Variants in MICAL2 observed in about 807,000 individuals in gnomAD.
MICAL2 encodes the protein [F-actin]-monooxygenase MICAL2.
A neutral mutation model predicts 127.3 loss-of-function variants in MICAL2; 77 were observed. That is an observed-to-expected ratio of 0.60 (90% CI 0.50 to 0.73). MICAL2 has a LOEUF of 0.73. Among genes scored for constraint, MICAL2 ranks in the 30% least tolerant of loss-of-function variants. The probability of loss-of-function intolerance (pLI) is 0.00; values close to 1 mark genes in which losing one functional copy is unlikely to be tolerated. For missense variants in MICAL2, 1,351 were observed against 1,434.4 expected, an observed-to-expected ratio of 0.94 and a Z score of 0.94; for synonymous variants, 570 against 551.1, an observed-to-expected ratio of 1.03 and a Z score of -0.48.
At chr11:12,330,697 T>TC (rs1864405710) in intron 32 of MICAL2, among the ~76,000 whole-genome samples, 1 of 152,010 alleles carries the variant, frequency 6.6e-6, no homozygotes, top group Non-Finnish European at 1.5e-5. Context: ...GAAGGGTTTT[T>TC]CCCCATTTTG....
intron 33 of MICAL2, among the ~76,000 whole-genome samples, chr11:12,352,290 T>C (rs1939063384): frequency 6.6e-6 from 1 of 152,224 alleles, no homozygotes; most frequent in African/African-American, 2.4e-5. Flanking sequence ...CCAGGGACTA[T>C]GCTGGGTTCT....
chr11:12,280,133 C>T (rs1187848682), intron 1 of MICAL2, among the ~76,000 whole-genome samples: 1 of 152,194 alleles, frequency 6.6e-6, no homozygotes, highest in Non-Finnish European at 1.5e-5. Flanking sequence ...ATTTAAGGCC[C>T]ATGTTAAATA....
chr11:12,212,208 C>T (rs1356677209), intron 6 of MICAL2, among the ~76,000 whole-genome samples: 3 of 152,176 alleles, frequency 2.0e-5, no homozygotes, highest in Admixed American at 1.3e-4. Context: ...TGCTGTGATC[C>T]TCCATAGCAC....
intron 2 of MICAL2, among the ~76,000 whole-genome samples, chr11:12,144,682 T>G (rs1852711625): frequency 6.6e-6 from 1 of 152,196 alleles, no homozygotes; most frequent in African/African-American, 2.4e-5. Context: ...CAAACCTCAA[T>G]GCTCGTGCAC....
intron 29 of MICAL2, among the ~76,000 whole-genome samples, chr11:12,315,176 A>G (rs1349891971): frequency 1.3e-5 from 2 of 152,190 alleles, no homozygotes; most frequent in Non-Finnish European, 2.9e-5. Flanking sequence ...GCCATTGTTC[A>G]TAGCTTCCAT....
At chr11:12,262,681 C>A in intron 27 of MICAL2, 144 bp downstream of exon 27, 1 of 731,218 alleles carries the variant, frequency 1.4e-6, no homozygotes, top group Non-Finnish European at 2.4e-6. Flanking sequence ...GCATGGTTGG[C>A]TAACAGCATG....
At chr11:12,310,071 T>G (rs1273894869) in intron 29 of MICAL2, among the ~76,000 whole-genome samples, 1 of 152,234 alleles carries the variant, frequency 6.6e-6, no homozygotes, top group Non-Finnish European at 1.5e-5. Context: ...ATATTCTGGT[T>G]ATTAATCCCT....
intron 31 of MICAL2, among the ~76,000 whole-genome samples, chr11:12,326,234 C>T (rs538764972): frequency 1.4e-4 from 22 of 152,272 alleles, no homozygotes; most frequent in African/African-American, 5.3e-4. Flanking sequence ...ATTCTGTCTG[C>T]CCAAACAACT....
intron 5 of MICAL2, among the ~76,000 whole-genome samples, chr11:12,209,272 G>A (rs939832696): frequency 2.6e-5 from 4 of 152,206 alleles, no homozygotes; most frequent in African/African-American, 7.2e-5. Context: ...CAGGCATGGA[G>A]TTGGTGTTGC....
chr11:12,294,937 CTT>C (rs1863966626), downstream of MICAL2: 3 of 1,370,032 alleles, frequency 2.2e-6, no homozygotes, highest in East Asian at 7.9e-5. Context: ...AAGCAGGCAT[CTT>C]TCACTTCGTT....
downstream of MICAL2, chr11:12,293,712 G>T: frequency 6.2e-7 from 1 of 1,614,064 alleles, no homozygotes; most frequent in Non-Finnish European, 8.5e-7. Context: ...GCAGAGTACT[G>T]CCTGGTGAGC....
At chr11:12,257,157 C>T in intron 24 of MICAL2, 186 bp downstream of exon 24, 1 of 638,170 alleles carries the variant, frequency 1.6e-6, no homozygotes, top group Non-Finnish European at 2.6e-6. Flanking sequence ...GCCTGTGGTC[C>T]CAGGGAAGGG....
At chr11:12,301,204 C>A (rs954168598) in intron 29 of MICAL2, among the ~76,000 whole-genome samples, 26 of 152,196 alleles carry the variant, frequency 1.7e-4, no homozygotes, top group Admixed American at 1.3e-4. Flanking sequence ...AATTACCCAT[C>A]CCTGGGTCCT....
chr11:12,334,804 C>A (rs1359953030), intron 32 of MICAL2, among the ~76,000 whole-genome samples: 1 of 151,844 alleles, frequency 6.6e-6, no homozygotes, highest in Non-Finnish European at 1.5e-5. Context: ...TTTATGGCTG[C>A]ATAGTATTCC....
At chr11:12,213,107 T>G (rs1211300158) in intron 6 of MICAL2, 148 bp from the exon 7 acceptor site, 1 of 894,056 alleles carries the variant, frequency 1.1e-6, no homozygotes, top group African/African-American at 1.7e-5. Context: ...CAAACTTCGG[T>G]ATTTCTGCCC....
intron 22 of MICAL2, 145 bp downstream of exon 22, chr11:12,249,391 G>C: frequency 1.6e-6 from 1 of 608,972 alleles, no homozygotes; most frequent in South Asian, 2.0e-5. Flanking sequence ...GCAGACATGT[G>C]CTTGTACTGG....
At chr11:12,225,914 G>A (rs947411830) in intron 13 of MICAL2, among the ~76,000 whole-genome samples, 3 of 152,166 alleles carry the variant, frequency 2.0e-5, no homozygotes, top group Admixed American at 1.3e-4. Context: ...TTCCCAAGAG[G>A]TTTAAATCAT....
intron 32 of MICAL2, among the ~76,000 whole-genome samples, chr11:12,339,604 G>T (rs1055371743): frequency 6.6e-6 from 1 of 152,092 alleles, no homozygotes; most frequent in African/African-American, 2.4e-5. Flanking sequence ...TTTGATGATG[G>T]TGATGTACAG....
chr11:12,257,238 T>C (rs1241046739), intron 24 of MICAL2: 6 of 381,876 alleles, frequency 1.6e-5, no homozygotes, highest in Non-Finnish European at 2.8e-5. Flanking sequence ...TCTATGTACC[T>C]CTTCTTATGT....
Sources: allele counts gnomAD v4.1 joint callset (sites outside exome capture counted in the v4.1 genomes callset), GRCh38; gene constraint gnomAD v4.1.1; transcripts MANE v1.5; gene names NCBI Gene and HGNC (gene_info 2026-07-23, HGNC 2026-07-21).